RAPGEF6: variants seen among roughly 807,000 people sequenced by gnomAD.
RAPGEF6 encodes PDZ domain containing guanine nucleotide exchange factor (GEF) 2.
A neutral mutation model predicts 171.4 loss-of-function variants in RAPGEF6; 56 were observed. The observed-to-expected ratio is 0.33, with a 90% CI of 0.26 to 0.41. The LOEUF (loss-of-function observed/expected upper bound fraction) is 0.41, where lower values mean the gene tolerates loss of function less well. Ranked by LOEUF, RAPGEF6 falls within the 10% of genes least tolerant of loss-of-function variation. The probability of loss-of-function intolerance (pLI) is 1.00; values close to 1 mark genes in which losing one functional copy is unlikely to be tolerated. For missense variants in RAPGEF6, 1,674 were observed against 1,921.4 expected, an observed-to-expected ratio of 0.87 and a Z score of 2.41; for synonymous variants, 692 against 650.1, an observed-to-expected ratio of 1.06 and a Z score of -0.98.
chr5:131,473,538 G>GAAAA (rs1302550251), intron 16 of RAPGEF6, among the ~76,000 whole-genome samples: 1 of 152,040 alleles, frequency 6.6e-6, no homozygotes, highest in Non-Finnish European at 1.5e-5. Context: ...AGATAGCAGT[G>GAAAA]AAAAAAATTT....
At chr5:131,467,954 C>A (rs769407973) in intron 17 of RAPGEF6, among the ~76,000 whole-genome samples, 2 of 151,396 alleles carry the variant, frequency 1.3e-5, no homozygotes, top group African/African-American at 2.4e-5. Flanking sequence ...TCACTTGGGC[C>A]CAGGAAGTAG....
At position 131,559,601 on chromosome 5, in the gene RAPGEF6, T is replaced by C. The variant is rs563701111; in HGVS notation, c.351+2377A>G. ...CACTTGGGAGGTTGAGGTGGGAGGATTGTTTGAGGTCAAGAGTTCGAGATC... is the reference window on the plus strand; with the variant it reads ...CACTTGGGAGGTTGAGGTGGGAGGACTGTTTGAGGTCAAGAGTTCGAGATC... On this transcript the variant is annotated intron_variant, in intron 5 of 27. Coordinates refer to ENST00000509018, the MANE Select transcript of RAPGEF6 (RefSeq NM_016340.6). 4.1e-4 allele frequency among the ~76,000 whole-genome samples: 62 copies of C among 151,988 alleles called. 2 individuals are homozygous for C. Among genetic ancestry groups the C allele is most frequent in the Middle Eastern group, 6.8e-3 (2 of 294 alleles).
Position 131,552,132 on chromosome 5 carries a change from A to C in RAPGEF6, c.352-3942T>G, listed in dbSNP as rs578232414. Among the ~76,000 whole-genome samples the C allele has an allele frequency of 2.6e-5, 4 of 152,142 alleles. No individual in the cohort carries two copies. The East Asian group carries it at 7.7e-4, about 29-fold the overall frequency. On this transcript the variant is annotated intron_variant, in intron 5 of 27. Transcript: ENST00000509018. ...AGGGAGTGAAATAGACAAGAGATGA[A>C]ACAAGAGACTCTACCAAAGTTGAGG...
At chr5:131,442,293 C>CT in intron 23 of RAPGEF6, 56 bp downstream of exon 23, 1 of 1,479,424 alleles carries the variant, frequency 6.8e-7, no homozygotes, top group South Asian at 1.3e-5. Flanking sequence ...ATTTTTCACT[C>CT]TAACTCCCCT....
At chr5:131,555,137 C>T (rs1761150637) in intron 5 of RAPGEF6, among the ~76,000 whole-genome samples, 1 of 151,998 alleles carries the variant, frequency 6.6e-6, no homozygotes, top group African/African-American at 2.4e-5. Flanking sequence ...TGAGAGAAGC[C>T]CAATAATTTT....
chr5:131,578,173 T>A (rs750251706), intron 4 of RAPGEF6, among the ~76,000 whole-genome samples: 1 of 152,166 alleles, frequency 6.6e-6, no homozygotes, highest in South Asian at 2.1e-4. Context: ...AATTCTTCTA[T>A]CCTGATGAAG....
chr5:131,518,155 T>C (rs1311665475), intron 7 of RAPGEF6, among the ~76,000 whole-genome samples: 2 of 151,978 alleles, frequency 1.3e-5, no homozygotes, highest in Non-Finnish European at 2.9e-5. Context: ...TATACAGGTA[T>C]ATATATTTAT....
intron 6 of RAPGEF6, among the ~76,000 whole-genome samples, chr5:131,531,799 G>C (rs962884885): frequency 6.6e-6 from 1 of 152,222 alleles, no homozygotes; most frequent in Non-Finnish European, 1.5e-5. Flanking sequence ...AAGCAAGTTA[G>C]AGTATGATCA....
At chr5:131,547,566 G>A (rs1328066071) in intron 6 of RAPGEF6, among the ~76,000 whole-genome samples, 1 of 149,242 alleles carries the variant, frequency 6.7e-6, no homozygotes, top group Non-Finnish European at 1.5e-5. Context: ...CTGGAATGCA[G>A]TGGTGTGATA....
Position 131,513,884 on chromosome 5 carries a change from C to T in RAPGEF6, c.628-3393G>A, listed in dbSNP as rs114653761. Among the ~76,000 whole-genome samples, 570 of 152,164 alleles carry T rather than the reference C, an allele frequency of 3.7e-3. 1 individual carries two copies. Among genetic ancestry groups the T allele is most frequent in the Non-Finnish European group, 5.6e-3 (382 of 67,996 alleles). Reference sequence around the variant, plus strand: ...ATTAGCCGGGTGTGGTGGCATTAGCCGGGTGTGGTGGCACATGCCTGCACT... The same window carrying T: ...ATTAGCCGGGTGTGGTGGCATTAGCTGGGTGTGGTGGCACATGCCTGCACT... On this transcript the variant is annotated intron_variant, in intron 7 of 27. Transcript: ENST00000509018.
intron 1 of RAPGEF6, among the ~76,000 whole-genome samples, chr5:131,618,452 G>A (rs1765405486): frequency 6.6e-6 from 1 of 151,782 alleles, no homozygotes; most frequent in Non-Finnish European, 1.5e-5. Context: ...GCAACACAGT[G>A]GAAACCCCAT....
chr5:131,543,394 A>G (rs1760285690), intron 6 of RAPGEF6, among the ~76,000 whole-genome samples: 1 of 152,210 alleles, frequency 6.6e-6, no homozygotes, highest in Admixed American at 6.5e-5. Context: ...AAATGAAAAA[A>G]TACTGCGTTT....
At chr5:131,551,312 G>C (rs1266115266) in intron 5 of RAPGEF6, among the ~76,000 whole-genome samples, 5 of 152,074 alleles carry the variant, frequency 3.3e-5, no homozygotes, top group Non-Finnish European at 4.4e-5. Flanking sequence ...AGGAGTTCAA[G>C]ACCAGCCTGG....
chr5:131,622,198 A>G (rs1351492831), intron 1 of RAPGEF6, among the ~76,000 whole-genome samples: 1 of 152,168 alleles, frequency 6.6e-6, no homozygotes, highest in Non-Finnish European at 1.5e-5. Context: ...AAAAAAAAAG[A>G]GGATGGTAAC....
intron 7 of RAPGEF6, among the ~76,000 whole-genome samples, chr5:131,515,254 C>G (rs1757997666): frequency 6.6e-6 from 1 of 152,240 alleles, no homozygotes; most frequent in African/African-American, 2.4e-5. Flanking sequence ...TTCATTTAAC[C>G]TTTTCATGGA....
At chr5:131,503,828 G>C (rs935432474) in intron 11 of RAPGEF6, among the ~76,000 whole-genome samples, 1 of 152,108 alleles carries the variant, frequency 6.6e-6, no homozygotes, top group Non-Finnish European at 1.5e-5. Flanking sequence ...TTGTGCTAAG[G>C]CTTTTGATTT....
chr5:131,594,384 T>C (rs1763766493), intron 3 of RAPGEF6, among the ~76,000 whole-genome samples: 1 of 152,220 alleles, frequency 6.6e-6, no homozygotes. Context: ...GGTTTGGGAA[T>C]CTCTGCCCAG....
chr5:131,567,641 T>C (rs1269429850), intron 4 of RAPGEF6, among the ~76,000 whole-genome samples: 1 of 152,194 alleles, frequency 6.6e-6, no homozygotes, highest in Non-Finnish European at 1.5e-5. Context: ...TAATGAGACT[T>C]GTGTTATGTT....
chr5:131,453,401 C>T (rs533948108), intron 20 of RAPGEF6, among the ~76,000 whole-genome samples: 5 of 152,210 alleles, frequency 3.3e-5, no homozygotes, highest in African/African-American at 1.2e-4. Context: ...TGAATAAAGT[C>T]AAATGATAAA....
Sources: gnomAD v4.1 joint callset for allele counts (sites outside exome capture counted in the v4.1 genomes callset) on GRCh38, gnomAD v4.1.1 for gene constraint, MANE v1.5 for transcripts, NCBI Gene and HGNC (gene_info 2026-07-23, HGNC 2026-07-21) for gene names.